The following BCAS1 variants were observed in gnomAD, a reference collection of about 807,000 sequenced individuals.
The protein encoded by BCAS1 is breast carcinoma-amplified sequence 1.
Under a neutral mutation model 65.4 loss-of-function variants are expected in BCAS1, and 46 were observed. The observed-to-expected ratio is 0.70, with a 90% CI of 0.55 to 0.90. The LOEUF (loss-of-function observed/expected upper bound fraction) is 0.90, where lower values mean the gene tolerates loss of function less well. BCAS1 is among the 40% of genes least tolerant of loss of function. The pLI is 0.00. For synonymous variants in BCAS1, 298 were observed against 293.5 expected (o/e 1.02, Z -0.16); for missense variants, 793 against 771.2 (o/e 1.03, Z -0.33).
chr20:53,985,603 G>C, intron 7 of BCAS1, 104 bp from the exon 8 acceptor site: 1 of 982,180 alleles, frequency 1.0e-6, no homozygotes, highest in South Asian at 1.8e-5. Context: ...TATACATAAT[G>C]TTAATTTTCT....
chr20:54,011,326 C>T (rs1313432305), intron 4 of BCAS1, among the ~76,000 whole-genome samples: 2 of 151,972 alleles, frequency 1.3e-5, no homozygotes, highest in Non-Finnish European at 2.9e-5. Context: ...TTGCAAACCA[C>T]GTATCTGACG....
intron 2 of BCAS1, 134 bp from the exon 3 acceptor site, chr20:54,058,288 C>T (rs1320481855): frequency 2.4e-6 from 2 of 823,304 alleles, no homozygotes; most frequent in Non-Finnish European, 3.9e-6. Context: ...TCTAGAAACT[C>T]CCCAGTTTTC....
At chr20:53,960,649 T>C (rs763563025) in intron 10 of BCAS1, among the ~76,000 whole-genome samples, 2 of 152,146 alleles carry the variant, frequency 1.3e-5, no homozygotes, top group African/African-American at 2.4e-5. Context: ...GCAGCAGTTA[T>C]TATTAATAAC....
In BCAS1 at chr20:53,943,961, ATTTAT is replaced by A. The variant is rs1202120342; in HGVS notation, c.*956_*960del. On this transcript the variant is annotated 3_prime_UTR_variant, in exon 13 of 13. Transcript: ENST00000688948. ...AACCGTGCAACTTCCTTTATTTTTT[ATTTAT>A]TTTTTTTTTTTAAGTTGTAATCTTT... 1 of 138,078 alleles carries A rather than the reference ATTTAT, an allele frequency of 7.2e-6. No homozygotes were observed. Among genetic ancestry groups the A allele is most frequent in the Non-Finnish European group, 1.6e-5 (1 of 63,020 alleles). The allele number at this position is 138,078 out of a possible 1,614,324, so 8.6% of individuals were successfully genotyped here. A position where few individuals can be genotyped will look rare whatever the true frequency, so the allele number is the denominator to read the frequency against.
intron 8 of BCAS1, among the ~76,000 whole-genome samples, chr20:53,984,506 G>T (rs779479845): frequency 1.3e-5 from 2 of 152,190 alleles, no homozygotes; most frequent in African/African-American, 2.4e-5. Flanking sequence ...GCTTTGCATG[G>T]TGTGCCAAGT....
chr20:54,058,817 A>G (rs576772029), intron 1 of BCAS1, 94 bp from the exon 2 acceptor site: 2 of 1,408,184 alleles, frequency 1.4e-6, no homozygotes, highest in East Asian at 2.3e-5. Context: ...CAAGCCGCCC[A>G]TGGCTGTATT....
intron 4 of BCAS1, among the ~76,000 whole-genome samples, chr20:54,019,738 C>G (rs1172705957): frequency 6.6e-6 from 1 of 152,222 alleles, no homozygotes; most frequent in African/African-American, 2.4e-5. Flanking sequence ...CAGCCTTCAT[C>G]TTTGTCCTGT....
intron 3 of BCAS1, among the ~76,000 whole-genome samples, chr20:54,057,880 A>G (rs2146324143): frequency 6.6e-6 from 1 of 152,268 alleles, no homozygotes; most frequent in East Asian, 1.9e-4. Context: ...TTTATTTTGA[A>G]CTTTTGGCCT....
rs765113727 is a variant in BCAS1, at chr20:54,058,687, A to C, written c.32T>G (p.Val11Gly). The change falls in exon 2 of 13, where the codon GTT becomes GGT. Residue 11 changes from valine (V) to glycine (G), a missense_variant. Physicochemically the swap from Val to Gly is moderately radical, Grantham distance 109. Transcript: ENST00000688948. The stretch of plus-strand genomic sequence containing the variant: ...TTCTGGTTCATTCTCTTGGTCTTCA[A>C]CTCTTTGGGGAACACTCATTTGGTT... MGNQMSVPQR[V>G]EDQENEPEAE... 2 of 1,609,648 alleles carry C rather than the reference A, an allele frequency of 1.2e-6. No individual in the cohort carries two copies. Among genetic ancestry groups the C allele is most frequent in the East Asian group, 4.5e-5 (2 of 44,762 alleles).
At chr20:54,041,164 A>C (rs1166081108) in intron 3 of BCAS1, among the ~76,000 whole-genome samples, 1 of 151,344 alleles carries the variant, frequency 6.6e-6, no homozygotes, top group East Asian at 1.9e-4. Flanking sequence ...AGTGGTTGCC[A>C]GTGGCTGGGA....
At chr20:54,051,747 G>GTTGTTA in intron 3 of BCAS1, among the ~76,000 whole-genome samples, 1 of 150,620 alleles carries the variant, frequency 6.6e-6, no homozygotes, top group South Asian at 2.1e-4. Flanking sequence ...TGTTGTTGTT[G>GTTGTTA]TTGTTGTTGA....
rs549038377 is a variant in BCAS1, at chr20:53,948,931, C to T, written c.1816-3935G>A. On this transcript the variant is annotated intron_variant, in intron 12 of 12. Coordinates refer to ENST00000688948, the MANE Select transcript of BCAS1 (RefSeq NM_001366298.2). Reference sequence around the variant, plus strand: ...GGTCTCAGGCTCCTTGCAGTGACTGCGCTGATTGTCACAAGCCTCGGTTCA... The same window carrying T: ...GGTCTCAGGCTCCTTGCAGTGACTGTGCTGATTGTCACAAGCCTCGGTTCA... Among the ~76,000 whole-genome samples, 181 of 152,310 alleles carry T rather than the reference C, an allele frequency of 1.2e-3. 3 individuals carry two copies. In the South Asian group the frequency reaches 0.024, roughly 20 times the overall value.
Position 54,028,683 on chromosome 20 carries a change from A to T in BCAS1, c.432T>A (p.Ala144=). Residue 144 remains alanine, a synonymous_variant, in exon 4 of 13, where the codon GCT becomes GCA. Transcript: ENST00000688948. The part of the protein sequence containing the change: ...PSESWTLPVA[A]GPGQDTDKTP... ...TTTTATCTGTGTCCTGCCCCGGTCC[A>T]GCTGCCACCGGAAGTGTCCAGCTCT... The T allele has an allele frequency of 1.2e-6, 2 of 1,614,142 alleles. No homozygotes were observed. Among genetic ancestry groups the T allele is most frequent in the South Asian group, 1.1e-5 (1 of 91,058 alleles).
intron 4 of BCAS1, among the ~76,000 whole-genome samples, chr20:54,015,956 G>C (rs2276490): frequency 0.073 from 11,085 of 152,194 alleles, 660 homozygotes; most frequent in East Asian, 0.31. Context: ...GAAATGCATC[G>C]ATTATTCTAT....
intron 8 of BCAS1, among the ~76,000 whole-genome samples, chr20:53,976,063 C>T (rs2090325720): frequency 6.6e-6 from 1 of 152,190 alleles, no homozygotes; most frequent in Non-Finnish European, 1.5e-5. Context: ...TCCTACATAT[C>T]CACATTCAAA....
At position 53,996,022 on chromosome 20, in the gene BCAS1, CCTT is replaced by C; in HGVS notation, c.749_751del (p.Glu250del). On this transcript the variant is annotated inframe_deletion, in exon 5 of 13. Transcript: ENST00000688948. ...GCAATCCGCAGTTCCAAGTTCTTGT[CCTT>C]CTTTTTCCTTGCCGTCAACTATGTC... 1.2e-6 allele frequency: 2 copies of C among 1,604,398 alleles called. No individual in the cohort carries two copies. The highest frequency in any genetic ancestry group is 1.7e-6 in the Non-Finnish European group (2 of 1,175,174).
chr20:54,017,399 C>CT (rs200791354), intron 4 of BCAS1, among the ~76,000 whole-genome samples: 180 of 121,720 alleles, frequency 1.5e-3, no homozygotes, highest in East Asian at 4.2e-3. Flanking sequence ...TTTTTCTTTT[C>CT]TTTTTTTTTT....
chr20:53,958,438 G>T (rs1436783258), intron 10 of BCAS1, among the ~76,000 whole-genome samples: 1 of 152,192 alleles, frequency 6.6e-6, no homozygotes, highest in African/African-American at 2.4e-5. Context: ...ATAGAGAGCA[G>T]GGTTTCAGCC....
rs2091895625 is a variant in BCAS1 at position 54,036,101 on chromosome 20, A to G, written c.143-7129T>C. The stretch of plus-strand genomic sequence containing the variant: ...GAGGATCAGGAAAAATAATTAATAG[A>G]TATTATTTCATCACCCAGGTATTAA... On this transcript the variant is annotated intron_variant, in intron 3 of 12. Transcript: ENST00000688948. Among the ~76,000 whole-genome samples, 3 of 150,760 alleles carry G rather than the reference A, an allele frequency of 2.0e-5. No individual in the cohort carries two copies. The South Asian group carries it at 6.3e-4, about 32-fold the overall frequency.
Sources: allele counts gnomAD v4.1 joint callset (sites outside exome capture counted in the v4.1 genomes callset), GRCh38; gene constraint gnomAD v4.1.1; transcripts MANE v1.5; gene names NCBI Gene and HGNC (gene_info 2026-07-23, HGNC 2026-07-21).